Variants in FGF12 observed in about 807,000 individuals in gnomAD.
FGF12 encodes the protein fibroblast growth factor 12B.
A neutral mutation model predicts 23.6 loss-of-function variants in FGF12; 14 were observed. The ratio of observed to expected loss-of-function variants is 0.59; its 90% CI spans 0.39 to 0.93. The LOEUF (loss-of-function observed/expected upper bound fraction) is 0.93, where lower values mean the gene tolerates loss of function less well. Among genes scored for constraint, FGF12 ranks in the 40% least tolerant of loss-of-function variants. The probability of loss-of-function intolerance (pLI) is 0.00; values close to 1 mark genes in which losing one functional copy is unlikely to be tolerated. For synonymous variants in FGF12, 62 were observed against 77.3 expected (o/e 0.80, Z 1.04); for missense variants, 175 against 217.8 (o/e 0.80, Z 1.24).
At chr3:192,246,950 G>T (rs201914111) in intron 4 of FGF12, among the ~76,000 whole-genome samples, 1 of 126,548 alleles carries the variant, frequency 7.9e-6, no homozygotes, top group African/African-American at 3.2e-5. Context: ...GAAAGAAAAA[G>T]AAAAGGAAAG....
intron 2 of FGF12, among the ~76,000 whole-genome samples, chr3:192,645,432 G>A (rs971279470): frequency 2.6e-5 from 4 of 152,140 alleles, no homozygotes; most frequent in African/African-American, 9.7e-5. Context: ...AAGAATTTAA[G>A]ATGATGCTCA....
At chr3:192,366,596 C>T (rs1448339302) in intron 2 of FGF12, among the ~76,000 whole-genome samples, 1 of 152,120 alleles carries the variant, frequency 6.6e-6, no homozygotes, top group East Asian at 1.9e-4. Flanking sequence ...TTCAAGGAAG[C>T]TGCACCACTT....
chr3:192,365,582 C>A (rs943516256), intron 2 of FGF12, among the ~76,000 whole-genome samples: 1 of 151,872 alleles, frequency 6.6e-6, no homozygotes. Flanking sequence ...AAAAAAAATT[C>A]TAAGATAATA....
rs11269443 is a variant in FGF12 at position 192,599,254 on chromosome 3, T to TATAATAATAATAATA, written c.13+127912_13+127926dup. ...TGCACACGTACCCCAGAACTTGAAG[T>TATAATAATAATAATA]ATAATAATAATAATAATAATAATAA... On this transcript the variant is annotated intron_variant, in intron 2 of 5. Transcript: ENST00000445105. 2.7e-3 allele frequency among the ~76,000 whole-genome samples: 268 copies of TATAATAATAATAATA among 98,324 alleles called. 2 individuals carry two copies. The highest frequency in any genetic ancestry group is 7.2e-3 in the African/African-American group (165 of 22,874). The allele number at this position is 98,324 out of a possible 152,430, so 64.5% of individuals were successfully genotyped here.
chr3:192,293,086 G>A (rs1442724142), intron 4 of FGF12, among the ~76,000 whole-genome samples: 1 of 152,010 alleles, frequency 6.6e-6, no homozygotes, highest in African/African-American at 2.4e-5. Context: ...CTTCTTGAGA[G>A]GTAATTTTGA....
chr3:192,312,525 AAAAG>A (rs923314956), intron 4 of FGF12, among the ~76,000 whole-genome samples: 26 of 152,234 alleles, frequency 1.7e-4, no homozygotes, highest in African/African-American at 5.8e-4. Flanking sequence ...ATATAAATAA[AAAAG>A]AAAGCATTTC....
At chr3:192,432,478 T>C (rs1212543129) in intron 2 of FGF12, among the ~76,000 whole-genome samples, 1 of 151,740 alleles carries the variant, frequency 6.6e-6, no homozygotes, top group African/African-American at 2.4e-5. Flanking sequence ...CTCTGGATTG[T>C]GTTGTGTAAG....
intron 2 of FGF12, among the ~76,000 whole-genome samples, chr3:192,403,571 A>G (rs1050020942): frequency 2.0e-5 from 3 of 151,586 alleles, no homozygotes; most frequent in African/African-American, 7.3e-5. Flanking sequence ...AACAAAAATC[A>G]AGCCAAATAT....
intron 2 of FGF12, among the ~76,000 whole-genome samples, chr3:192,668,398 T>G (rs892483272): frequency 1.1e-4 from 16 of 152,256 alleles, no homozygotes; most frequent in African/African-American, 3.9e-4. Context: ...GGGACAAATA[T>G]GACTCCTGCC....
intron 2 of FGF12, among the ~76,000 whole-genome samples, chr3:192,607,019 G>A (rs533530929): frequency 4.0e-5 from 6 of 151,840 alleles, no homozygotes; most frequent in East Asian, 1.9e-4. Context: ...CAACACACAC[G>A]CAGGTACACA....
At chr3:192,191,266 G>A (rs1412288860) in intron 4 of FGF12, among the ~76,000 whole-genome samples, 1 of 152,200 alleles carries the variant, frequency 6.6e-6, no homozygotes, top group Non-Finnish European at 1.5e-5. Context: ...TTTTAGGGCA[G>A]TGAAGCTACT....
intron 2 of FGF12, among the ~76,000 whole-genome samples, chr3:192,455,452 T>C (rs1722651550): frequency 6.6e-6 from 1 of 152,184 alleles, no homozygotes; most frequent in Admixed American, 6.5e-5. Flanking sequence ...CAACATGGTG[T>C]ACCTACAGCA....
chr3:192,295,713 G>T (rs1447735721), intron 4 of FGF12, among the ~76,000 whole-genome samples: 1 of 152,050 alleles, frequency 6.6e-6, no homozygotes, highest in Non-Finnish European at 1.5e-5. Flanking sequence ...TCTCTTTAAA[G>T]AATACTGAAT....
chr3:192,691,871 A>C (rs1717954546), intron 2 of FGF12, among the ~76,000 whole-genome samples: 1 of 149,560 alleles, frequency 6.7e-6, no homozygotes, highest in Admixed American at 7.1e-5. Flanking sequence ...AAGGACATGA[A>C]GGACTATCAT....
intron 4 of FGF12, among the ~76,000 whole-genome samples, chr3:192,305,418 T>G (rs1715568119): frequency 1.3e-5 from 2 of 152,014 alleles, no homozygotes; most frequent in Non-Finnish European, 2.9e-5. Context: ...CACGTCGAGC[T>G]GCCCTTTCTC....
chr3:192,664,858 G>A (rs1049238069), intron 2 of FGF12, among the ~76,000 whole-genome samples: 1 of 152,128 alleles, frequency 6.6e-6, no homozygotes, highest in African/African-American at 2.4e-5. Flanking sequence ...AAAGAATCCA[G>A]TACAAATTGA....
rs559335262 is a variant in FGF12, at chr3:192,209,020, G to A, written c.229-38364C>T. Among the ~76,000 whole-genome samples the A allele has an allele frequency of 1.0e-3, 153 of 152,250 alleles. 3 individuals carry two copies. The highest frequency in any genetic ancestry group is 2.9e-3 in the African/African-American group (119 of 41,548). On this transcript the variant is annotated intron_variant, in intron 4 of 5. Coordinates refer to ENST00000445105, the MANE Select transcript of FGF12 (RefSeq NM_004113.6). Reference sequence around the variant, plus strand: ...TCTAATGTGTTTGATAACAACACACGTTTTTATACTTGGCTACATTACTTA... The same window carrying A: ...TCTAATGTGTTTGATAACAACACACATTTTTATACTTGGCTACATTACTTA...
At chr3:192,154,062 A>G (rs146792801) in intron 5 of FGF12, among the ~76,000 whole-genome samples, 21,139 of 107,190 alleles carry the variant, frequency 0.2, 5,038 homozygotes, top group South Asian at 0.25. Context: ...CATTTCATTC[A>G]TTTCATCTTC....
chr3:192,439,954 T>C lies in FGF12; in HGVS notation c.14-79416A>G, dbSNP rs760512356. 7.7e-5 allele frequency among the ~76,000 whole-genome samples: 11 copies of C among 142,660 alleles called. No homozygotes were observed. The East Asian group carries it at 1.8e-3, about 24-fold the overall frequency. The allele number at this position is 142,660 out of a possible 152,430, so 93.6% of individuals were successfully genotyped here. A position where few individuals can be genotyped will look rare whatever the true frequency, so the allele number is the denominator to read the frequency against. Reference sequence around the variant, plus strand: ...TCGCGCCACTGCATTCCAGCCTAGGTGACAGAGCAAGACTCCATATGGAAA... The same window carrying C: ...TCGCGCCACTGCATTCCAGCCTAGGCGACAGAGCAAGACTCCATATGGAAA... On this transcript the variant is annotated intron_variant, in intron 2 of 5. Coordinates refer to ENST00000445105, the MANE Select transcript of FGF12 (RefSeq NM_004113.6).
Sources: allele counts gnomAD v4.1 joint callset (sites outside exome capture counted in the v4.1 genomes callset), GRCh38; gene constraint gnomAD v4.1.1; transcripts MANE v1.5; gene names NCBI Gene and HGNC (gene_info 2026-07-23, HGNC 2026-07-21).